Variants in GABRP observed in about 807,000 individuals in gnomAD.
GABRP encodes gamma-aminobutyric acid type A receptor subunit pi.
GABRP carries 52 observed loss-of-function variants against 47.8 expected under a neutral mutation model. That is an observed-to-expected ratio of 1.09 (90% CI 0.87 to 1.37). The LOEUF is 1.37. Among genes scored for constraint, GABRP ranks in the 40% most tolerant of loss-of-function variants. The probability of loss-of-function intolerance (pLI) is 0.00; values close to 1 mark genes in which losing one functional copy is unlikely to be tolerated. For synonymous variants in GABRP, 221 were observed against 205.8 expected, an observed-to-expected ratio of 1.07 and a Z score of -0.63; for missense variants, 525 against 542.8, an observed-to-expected ratio of 0.97 and a Z score of 0.33.
intron 1 of GABRP, among the ~76,000 whole-genome samples, chr5:170,787,231 C>T (rs1765150959): frequency 6.6e-6 from 1 of 152,232 alleles, no homozygotes; most frequent in Non-Finnish European, 1.5e-5. Flanking sequence ...TAATGAGTGG[C>T]TGAATCATGC....
chr5:170,800,291 G>A (rs1206774549), intron 6 of GABRP, among the ~76,000 whole-genome samples: 2 of 152,214 alleles, frequency 1.3e-5, no homozygotes, highest in African/African-American at 4.8e-5. Flanking sequence ...CTAGCCATAT[G>A]TAGAAAGCTG....
Position 170,809,596 on chromosome 5 carries a change from A to G in GABRP, c.861A>G (p.Thr287=), listed in dbSNP as rs761965984. 2 of 1,614,098 alleles carry G rather than the reference A, an allele frequency of 1.2e-6. No homozygotes were observed. The highest frequency in any genetic ancestry group is 1.7e-6 in the Non-Finnish European group (2 of 1,180,020). ...TGACGACCGTGTTATCAATGACCAC[A>G]CTGATGATCGGGTCCCGCACTTCTC... ...IGVTTVLSMT[T]LMIGSRTSLP... The change falls in exon 9 of 10, where the codon ACA becomes ACG. Residue 287 remains threonine (T), a synonymous_variant. Coordinates refer to ENST00000265294, the MANE Select transcript of GABRP (RefSeq NM_014211.3).
chr5:170,798,198 C>G (rs545847082), intron 6 of GABRP, among the ~76,000 whole-genome samples: 1 of 152,274 alleles, frequency 6.6e-6, no homozygotes, highest in Non-Finnish European at 1.5e-5. Context: ...CCCGCCACCA[C>G]GCCCGGCTAA....
At chr5:170,795,154 G>T in intron 4 of GABRP, 54 bp from the exon 5 acceptor site, 1 of 1,295,818 alleles carries the variant, frequency 7.7e-7, no homozygotes, top group Non-Finnish European at 1.1e-6. Context: ...CATTTGGTGG[G>T]GTTTTCTCAC....
chr5:170,799,608 G>A (rs189397931), intron 6 of GABRP, among the ~76,000 whole-genome samples: 275 of 152,174 alleles, frequency 1.8e-3, no homozygotes, highest in African/African-American at 6.1e-3. Flanking sequence ...CATATCCTTC[G>A]CCCACTTTTT....
intron 3 of GABRP, among the ~76,000 whole-genome samples, chr5:170,792,442 C>CA (rs61664116): frequency 0.6 from 82,245 of 136,746 alleles, 24,182 homozygotes; most frequent in East Asian, 0.81. Flanking sequence ...GACTCCATCT[C>CA]AAAAAAAAAA....
chr5:170,794,306 C>T lies in GABRP; in HGVS notation c.240+8C>T, dbSNP rs1178108092. The T allele has an allele frequency of 8.2e-6, 13 of 1,591,368 alleles. No homozygotes were observed. The highest frequency in any genetic ancestry group is 1.1e-5 in the Non-Finnish European group (13 of 1,166,474). Reference sequence around the variant, plus strand: ...ATTTCAGAGAGTAACATGGTAAGCGCTGTTCCTTTGTACTCTACCCAAGTA... The same window carrying T: ...ATTTCAGAGAGTAACATGGTAAGCGTTGTTCCTTTGTACTCTACCCAAGTA... On this transcript the variant is annotated splice_region_variant and intron_variant, in intron 4 of 9. Coordinates refer to ENST00000265294, the MANE Select transcript of GABRP (RefSeq NM_014211.3).
chr5:170,795,254 G>A lies in GABRP; in HGVS notation c.287G>A (p.Arg96Gln), dbSNP rs758857209. Residue 96 changes from arginine (R) to glutamine (Q), a missense_variant, in exon 5 of 10, where the codon CGG becomes CAG. Coordinates refer to ENST00000265294, the MANE Select transcript of GABRP (RefSeq NM_014211.3). ...CTCCGACAGCGCTGGATGGACCAGC[G>A]GCTGGTGTTTGAAGGCAACAAGAGC... ...IYLRQRWMDQ[R>Q]LVFEGNKSFT... 4.2e-5 allele frequency: 67 copies of A among 1,613,474 alleles called. No homozygotes were observed. The highest frequency in any genetic ancestry group is 1.0e-4 in the Admixed American group (6 of 59,976).
At chr5:170,793,568 G>T (rs1472020561) in intron 3 of GABRP, among the ~76,000 whole-genome samples, 1 of 152,214 alleles carries the variant, frequency 6.6e-6, no homozygotes, top group Non-Finnish European at 1.5e-5. Flanking sequence ...TCAGCCATGA[G>T]TCTTGAATGC....
chr5:170,806,898 A>G (rs1268486330), intron 7 of GABRP, among the ~76,000 whole-genome samples: 2 of 151,976 alleles, frequency 1.3e-5, no homozygotes, highest in African/African-American at 2.4e-5. Context: ...TATTTTCCAA[A>G]TTTTTCTTTT....
intron 6 of GABRP, among the ~76,000 whole-genome samples, chr5:170,798,487 T>C (rs1259643603): frequency 1.3e-5 from 2 of 152,168 alleles, no homozygotes; most frequent in African/African-American, 2.4e-5. Flanking sequence ...AACATTTCGG[T>C]GACAACAAAT....
chr5:170,799,673 G>T (rs1765535450), intron 6 of GABRP, among the ~76,000 whole-genome samples: 1 of 152,080 alleles, frequency 6.6e-6, no homozygotes, highest in Non-Finnish European at 1.5e-5. Context: ...TGTAGATTCT[G>T]GATATTAGCC....
chr5:170,798,510 CT>C (rs1210547400), intron 6 of GABRP, among the ~76,000 whole-genome samples: 1 of 152,130 alleles, frequency 6.6e-6, no homozygotes, highest in African/African-American at 2.4e-5. Context: ...AGACTAGCCC[CT>C]GAGACCTAAA....
rs1251888659 is a variant in GABRP, at chr5:170,794,216, T to A, written c.173-15T>A. The stretch of plus-strand genomic sequence containing the variant: ...TGGTTGTGTTTCCATTCTTTCTTGT[T>A]TTTTTTTATCTTAGGAGAACCCGTA... On this transcript the variant is annotated splice_polypyrimidine_tract_variant and intron_variant, in intron 3 of 9. Coordinates refer to ENST00000265294, the MANE Select transcript of GABRP (RefSeq NM_014211.3). The A allele has an allele frequency of 6.3e-7, 1 of 1,591,426 alleles. No homozygotes were observed. Among genetic ancestry groups the A allele is most frequent in the Non-Finnish European group, 8.6e-7 (1 of 1,162,844 alleles).
intron 3 of GABRP, among the ~76,000 whole-genome samples, chr5:170,792,912 A>C (rs1765314638): frequency 6.6e-6 from 1 of 152,178 alleles, no homozygotes; most frequent in Non-Finnish European, 1.5e-5. Flanking sequence ...ATTTATTGCA[A>C]GTGAATGCTA....
rs759236675 is a variant in GABRP at position 170,812,214 on chromosome 5, A to G, written c.1279A>G (p.Met427Val). The G allele has an allele frequency of 5.0e-6, 8 of 1,613,758 alleles. No homozygotes were observed. Among genetic ancestry groups the G allele is most frequent in the Non-Finnish European group, 6.8e-6 (8 of 1,179,840 alleles). ...CAAACTACTGTTTCCTTTGATTTTT[A>G]TGCTAGCCAATGTATTTTACTGGGC... is the stretch of plus-strand genomic sequence containing the variant. ...YSKLLFPLIF[M>V]LANVFYWAYY... Residue 427 changes from methionine to valine, a missense_variant, in exon 10 of 10, where the codon ATG becomes GTG. Physicochemically the swap from Met to Val is conservative, Grantham distance 21 (BLOSUM62 1). Coordinates refer to ENST00000265294, the MANE Select transcript of GABRP (RefSeq NM_014211.3).
Position 170,795,201 on chromosome 5 carries a change from C to G in GABRP, c.241-7C>G, listed in dbSNP as rs776531075. The G allele has an allele frequency of 2.5e-6, 4 of 1,609,364 alleles. No homozygotes were observed. Among genetic ancestry groups the G allele is most frequent in the East Asian group, 4.5e-5 (2 of 44,710 alleles). On this transcript the variant is annotated splice_polypyrimidine_tract_variant and splice_region_variant and intron_variant, in intron 4 of 9. Transcript: ENST00000265294. ...ATCCATTTCCATACCCTGCCTCCCC[C>G]TCCCAGGACTACACAGCCACCATAT...
At chr5:170,799,539 G>A (rs1218870987) in intron 6 of GABRP, among the ~76,000 whole-genome samples, 1 of 152,200 alleles carries the variant, frequency 6.6e-6, no homozygotes, top group Admixed American at 6.5e-5. Context: ...CAGTGATGAT[G>A]AGCATTTTTT....
chr5:170,801,303 C>T (rs1172392130), intron 6 of GABRP, among the ~76,000 whole-genome samples: 4 of 152,118 alleles, frequency 2.6e-5, no homozygotes, highest in Non-Finnish European at 5.9e-5. Flanking sequence ...CCTGAGTATA[C>T]CATAAAGTGC....
Sources: gnomAD v4.1 joint callset for allele counts (sites outside exome capture counted in the v4.1 genomes callset) on GRCh38, gnomAD v4.1.1 for gene constraint, MANE v1.5 for transcripts, NCBI Gene and HGNC (gene_info 2026-07-23, HGNC 2026-07-21) for gene names.